Variants in CNTNAP5 observed in about 807,000 individuals in gnomAD.
The protein encoded by CNTNAP5 is contactin associated protein family member 5.
CNTNAP5 carries 72 observed loss-of-function variants against 150.2 expected under a neutral mutation model. The observed-to-expected ratio is 0.48, with a 90% CI of 0.40 to 0.58. The LOEUF (loss-of-function observed/expected upper bound fraction) is 0.58, where lower values mean the gene tolerates loss of function less well. CNTNAP5 is among the 20% of genes least tolerant of loss of function. The probability of loss-of-function intolerance (pLI) is 0.00; values close to 1 mark genes in which losing one functional copy is unlikely to be tolerated. For synonymous variants in CNTNAP5, 672 were observed against 619.8 expected, an observed-to-expected ratio of 1.08 and a Z score of -1.25; for missense variants, 1,636 against 1,626.2, an observed-to-expected ratio of 1.01 and a Z score of -0.10.
chr2:124,271,863 C>T (rs928720333), intron 3 of CNTNAP5, among the ~76,000 whole-genome samples: 17 of 151,866 alleles, frequency 1.1e-4, no homozygotes, highest in African/African-American at 3.6e-4. Flanking sequence ...TACAGGAGCT[C>T]GCCACCATTC....
chr2:124,590,369 C>G (rs893526853), intron 11 of CNTNAP5, among the ~76,000 whole-genome samples: 2 of 152,160 alleles, frequency 1.3e-5, no homozygotes, highest in African/African-American at 4.8e-5. Context: ...GAACCTATGT[C>G]TATTTTCAGC....
At chr2:124,624,899 T>C (rs1677687359) in intron 12 of CNTNAP5, among the ~76,000 whole-genome samples, 1 of 152,136 alleles carries the variant, frequency 6.6e-6, no homozygotes, top group South Asian at 2.1e-4. Context: ...CCATGCTAGG[T>C]ATTTTATATT....
intron 1 of CNTNAP5, among the ~76,000 whole-genome samples, chr2:124,038,203 G>T (rs905672598): frequency 6.6e-6 from 1 of 152,178 alleles, no homozygotes; most frequent in Non-Finnish European, 1.5e-5. Flanking sequence ...CCGTTGGTAG[G>T]CAAGGACCAG....
At chr2:124,671,061 C>T (rs1678813742) in intron 13 of CNTNAP5, among the ~76,000 whole-genome samples, 1 of 152,148 alleles carries the variant, frequency 6.6e-6, no homozygotes, top group South Asian at 2.1e-4. Context: ...GGGAGTTCAG[C>T]CTGTCGCCAC....
chr2:124,399,123 C>A (rs185377886), intron 3 of CNTNAP5, among the ~76,000 whole-genome samples: 7 of 152,102 alleles, frequency 4.6e-5, no homozygotes, highest in African/African-American at 1.4e-4. Flanking sequence ...TTAAAATTTG[C>A]CTCCTCAACT....
intron 13 of CNTNAP5, among the ~76,000 whole-genome samples, chr2:124,712,745 CT>C (rs59437788): frequency 0.17 from 25,061 of 146,530 alleles, 2,302 homozygotes; most frequent in East Asian, 0.25. Flanking sequence ...CACTCTCAGC[CT>C]TTTTTTTTTT....
intron 1 of CNTNAP5, among the ~76,000 whole-genome samples, chr2:124,212,246 T>A (rs1686033360): frequency 6.6e-6 from 1 of 152,218 alleles, no homozygotes; most frequent in African/African-American, 2.4e-5. Context: ...TACCATCCAA[T>A]TCATTCATTT....
At chr2:124,298,315 A>G (rs1688490948) in intron 3 of CNTNAP5, among the ~76,000 whole-genome samples, 1 of 152,052 alleles carries the variant, frequency 6.6e-6, no homozygotes, top group South Asian at 2.1e-4. Flanking sequence ...GCTTATTTTC[A>G]TGGCCCAAAA....
intron 3 of CNTNAP5, among the ~76,000 whole-genome samples, chr2:124,407,430 GA>G (rs145097456): frequency 0.039 from 5,959 of 152,190 alleles, 161 homozygotes; most frequent in Non-Finnish European, 0.053. Flanking sequence ...AAGGTTCACT[GA>G]AAACTAACAA....
chr2:124,290,146 G>A (rs1688250040), intron 3 of CNTNAP5, among the ~76,000 whole-genome samples: 1 of 151,912 alleles, frequency 6.6e-6, no homozygotes, highest in Non-Finnish European at 1.5e-5. Flanking sequence ...TAGATCGCTG[G>A]TCTGACTCAG....
intron 1 of CNTNAP5, among the ~76,000 whole-genome samples, chr2:124,101,254 C>T (rs1304199630): frequency 6.6e-6 from 1 of 152,056 alleles, no homozygotes; most frequent in African/African-American, 2.4e-5. Flanking sequence ...CAAAATATGC[C>T]ATCATCATTT....
At chr2:124,905,881 C>G (rs1157215131) in intron 22 of CNTNAP5, among the ~76,000 whole-genome samples, 1 of 152,118 alleles carries the variant, frequency 6.6e-6, no homozygotes, top group East Asian at 1.9e-4. Context: ...ATACCTAATA[C>G]TTGGCCTTGA....
intron 10 of CNTNAP5, among the ~76,000 whole-genome samples, chr2:124,555,425 TTGGC>T (rs1431124608): frequency 6.6e-6 from 1 of 152,216 alleles, no homozygotes; most frequent in Non-Finnish European, 1.5e-5. Flanking sequence ...ACATCCACAG[TTGGC>T]TGACCATGAA....
At chr2:124,165,132 ATCAGGTG>A (rs1394727647) in intron 1 of CNTNAP5, among the ~76,000 whole-genome samples, 2 of 152,312 alleles carry the variant, frequency 1.3e-5, no homozygotes, top group East Asian at 3.9e-4. Context: ...GTTAGGAGTT[ATCAGGTG>A]ATGATATAAA....
intron 2 of CNTNAP5, among the ~76,000 whole-genome samples, chr2:124,241,384 T>A (rs1686882222): frequency 6.7e-6 from 1 of 148,662 alleles, no homozygotes; most frequent in African/African-American, 2.6e-5. Context: ...ATTTTGTGTA[T>A]GTTGTTCCCT....
chr2:124,461,192 A>C (rs1198629893), intron 6 of CNTNAP5, among the ~76,000 whole-genome samples: 1 of 152,104 alleles, frequency 6.6e-6, no homozygotes, highest in Non-Finnish European at 1.5e-5. Context: ...TACCCAAAAG[A>C]CTATAAATCA....
At chr2:124,893,799 TA>T (rs1678249370) in intron 21 of CNTNAP5, among the ~76,000 whole-genome samples, 1 of 152,126 alleles carries the variant, frequency 6.6e-6, no homozygotes, top group African/African-American at 2.4e-5. Context: ...TCCAAATTGA[TA>T]ACAGCCAAAT....
intron 6 of CNTNAP5, among the ~76,000 whole-genome samples, chr2:124,474,114 T>C (rs939639442): frequency 2.6e-5 from 4 of 152,090 alleles, no homozygotes; most frequent in East Asian, 1.9e-4. Flanking sequence ...ATTGTAACTC[T>C]TGCATTTTAA....
chr2:124,757,482 G>T (rs1048609334), intron 14 of CNTNAP5, among the ~76,000 whole-genome samples: 3 of 152,172 alleles, frequency 2.0e-5, no homozygotes, highest in Non-Finnish European at 4.4e-5. Context: ...AGCTGCTGTC[G>T]GCAGGTGGGA....
Sources: allele counts gnomAD v4.1 joint callset (sites outside exome capture counted in the v4.1 genomes callset), GRCh38; gene constraint gnomAD v4.1.1; transcripts MANE v1.5; gene names NCBI Gene and HGNC (gene_info 2026-07-23, HGNC 2026-07-21).